The following CNTN3 variants were observed in gnomAD, a reference collection of about 807,000 sequenced individuals.
CNTN3 encodes the protein contactin-3.
CNTN3 carries 60 observed loss-of-function variants against 119.1 expected under a neutral mutation model. The ratio of observed to expected loss-of-function variants is 0.50; its 90% CI spans 0.41 to 0.62. The LOEUF (loss-of-function observed/expected upper bound fraction) is 0.62, where lower values mean the gene tolerates loss of function less well. CNTN3 is among the 20% of genes least tolerant of loss of function. The pLI is 0.00. For missense variants in CNTN3, 1,101 were observed against 1,242.4 expected (o/e 0.89, Z 1.71); for synonymous variants, 450 against 438.7 (o/e 1.03, Z -0.32).
chr3:74,540,436 T>G (rs961237148), intron 1 of CNTN3, among the ~76,000 whole-genome samples: 1 of 152,136 alleles, frequency 6.6e-6, no homozygotes, highest in African/African-American at 2.4e-5. Flanking sequence ...CTTTGTTTTT[T>G]CTTTATGTAT....
At chr3:74,505,624 T>C (rs901681501) in intron 2 of CNTN3, among the ~76,000 whole-genome samples, 1 of 151,952 alleles carries the variant, frequency 6.6e-6, no homozygotes, top group African/African-American at 2.4e-5. Context: ...ACATCATGTG[T>C]TGGAAAAATA....
chr3:74,479,118 C>A (rs920460968), intron 4 of CNTN3, among the ~76,000 whole-genome samples: 7 of 151,848 alleles, frequency 4.6e-5, no homozygotes, highest in African/African-American at 1.7e-4. Flanking sequence ...ACAATCTATT[C>A]CAGGTGGTTC....
intron 1 of CNTN3, among the ~76,000 whole-genome samples, chr3:74,544,840 C>T (rs1344481617): frequency 1.3e-5 from 2 of 152,064 alleles, no homozygotes; most frequent in Non-Finnish European, 2.9e-5. Flanking sequence ...CCACATGATC[C>T]TCCCACCTCA....
chr3:74,412,567 T>C (rs1701457303), intron 5 of CNTN3, among the ~76,000 whole-genome samples: 1 of 152,122 alleles, frequency 6.6e-6, no homozygotes, highest in South Asian at 2.1e-4. Flanking sequence ...ATCCCTCAGA[T>C]TGCTAAGTGA....
chr3:74,392,679 A>G (rs1369667706), intron 5 of CNTN3, among the ~76,000 whole-genome samples: 1 of 152,202 alleles, frequency 6.6e-6, no homozygotes, highest in Non-Finnish European at 1.5e-5. Flanking sequence ...TAATGAACAC[A>G]CACAAACATA....
chr3:74,611,780 T>A (rs1705085983), intron 1 of CNTN3, among the ~76,000 whole-genome samples: 1 of 152,202 alleles, frequency 6.6e-6, no homozygotes, highest in Non-Finnish European at 1.5e-5. Context: ...AAACTACAAG[T>A]GAGCACCTTA....
intron 1 of CNTN3, among the ~76,000 whole-genome samples, chr3:74,523,340 A>G (rs1703570584): frequency 6.6e-6 from 1 of 151,884 alleles, no homozygotes; most frequent in Non-Finnish European, 1.5e-5. Context: ...TGTTTTTTAA[A>G]TTATCTAATA....
intron 4 of CNTN3, among the ~76,000 whole-genome samples, chr3:74,438,525 A>G (rs900782836): frequency 4.6e-5 from 7 of 152,160 alleles, no homozygotes; most frequent in South Asian, 2.1e-4. Flanking sequence ...ATCCAAGTCC[A>G]GCTAAATTAT....
intron 4 of CNTN3, among the ~76,000 whole-genome samples, chr3:74,427,868 C>A (rs189193156): frequency 1.3e-5 from 2 of 151,734 alleles, no homozygotes; most frequent in East Asian, 3.9e-4. Flanking sequence ...TTACAGAATG[C>A]TAATGAAAAA....
At chr3:74,543,567 TTAG>T (rs1703871428) in intron 1 of CNTN3, among the ~76,000 whole-genome samples, 1 of 152,142 alleles carries the variant, frequency 6.6e-6, no homozygotes, top group Non-Finnish European at 1.5e-5. Context: ...ATAAACTAAT[TTAG>T]TAGTAGATCA....
rs140323434 is a variant in CNTN3, at chr3:74,266,538, T to C, written c.2929A>G (p.Thr977Ala). 118 of 1,613,656 alleles carry C rather than the reference T, an allele frequency of 7.3e-5. No individual in the cohort carries two copies. The Middle Eastern group carries it at 1.7e-3, about 23-fold the overall frequency. Residue 977 changes from threonine (T) to alanine (A), a missense_variant, in exon 22 of 23, where the codon ACA becomes GCA. Thr to Ala is a moderately conservative substitution (Grantham distance 58). Coordinates refer to ENST00000263665, the MANE Select transcript of CNTN3 (RefSeq NM_020872.3). The stretch of plus-strand genomic sequence containing the variant: ...CTGGTCCCATCCCCTCCATCTGTTG[T>C]GGCCTTGACTTCAATAATGTAGTCC... ...KEDYIIEVKA[T>A]TDGGDGTSSE...
chr3:74,567,476 T>C (rs985357965), intron 1 of CNTN3, among the ~76,000 whole-genome samples: 1 of 151,934 alleles, frequency 6.6e-6, no homozygotes, highest in Non-Finnish European at 1.5e-5. Flanking sequence ...GACTTCTGAA[T>C]CTCTGATAGA....
At chr3:74,398,516 A>G (rs1705111600) in intron 5 of CNTN3, among the ~76,000 whole-genome samples, 1 of 152,204 alleles carries the variant, frequency 6.6e-6, no homozygotes, top group Non-Finnish European at 1.5e-5. Flanking sequence ...GGAAGCCAAA[A>G]TATTTATGTG....
chr3:74,414,792 T>G (rs2106876955), intron 5 of CNTN3, among the ~76,000 whole-genome samples: 1 of 152,144 alleles, frequency 6.6e-6, no homozygotes, highest in Middle Eastern at 3.4e-3. Flanking sequence ...ACAAATGCGC[T>G]GTAATGGAAG....
chr3:74,396,881 G>A (rs1005801102), intron 5 of CNTN3, among the ~76,000 whole-genome samples: 14 of 152,122 alleles, frequency 9.2e-5, no homozygotes, highest in Non-Finnish European at 1.6e-4. Flanking sequence ...AACAGCAAGT[G>A]CTGATGTAGA....
intron 2 of CNTN3, among the ~76,000 whole-genome samples, chr3:74,502,520 C>T (rs79554648): frequency 0.011 from 1,726 of 152,210 alleles, 37 homozygotes; most frequent in African/African-American, 0.038. Flanking sequence ...AACCAGGCAC[C>T]ATGAACTATG....
At chr3:74,591,358 G>C (rs1704700249) in intron 1 of CNTN3, among the ~76,000 whole-genome samples, 1 of 151,940 alleles carries the variant, frequency 6.6e-6, no homozygotes. Context: ...TTGAATGCCA[G>C]GTTGGCAGTT....
intron 1 of CNTN3, among the ~76,000 whole-genome samples, chr3:74,593,291 G>A (rs1379567908): frequency 2.0e-5 from 3 of 151,848 alleles, no homozygotes; most frequent in Non-Finnish European, 4.4e-5. Context: ...AAATTTCAAG[G>A]CATGTAAGTG....
chr3:74,572,891 G>C (rs1443351331), intron 1 of CNTN3, among the ~76,000 whole-genome samples: 1 of 152,180 alleles, frequency 6.6e-6, no homozygotes, highest in Non-Finnish European at 1.5e-5. Context: ...AAAACTAGGA[G>C]GGTCTAAGAC....
Sources: gnomAD v4.1 joint callset for allele counts (sites outside exome capture counted in the v4.1 genomes callset) on GRCh38, gnomAD v4.1.1 for gene constraint, MANE v1.5 for transcripts, NCBI Gene and HGNC (gene_info 2026-07-23, HGNC 2026-07-21) for gene names.